CYP4F2: variants seen among roughly 807,000 people sequenced by gnomAD.
CYP4F2 encodes the protein cytochrome P450 4F2.
CYP4F2 carries 58 observed loss-of-function variants against 58.9 expected under a neutral mutation model. The observed-to-expected ratio is 0.98, with a 90% CI of 0.80 to 1.23. The LOEUF is 1.23. Among genes scored for constraint, CYP4F2 ranks in the 50% most tolerant of loss-of-function variants. The pLI, the probability that CYP4F2 is intolerant of heterozygous loss-of-function variation, is 0.00. For missense variants in CYP4F2, 616 were observed against 685.6 expected (o/e 0.90, Z 1.13); for synonymous variants, 287 against 261.1 (o/e 1.10, Z -0.95).
intron 9 of CYP4F2, among the ~76,000 whole-genome samples, chr19:15,885,424 TGTG>T (rs1165423664): frequency 6.6e-6 from 1 of 152,006 alleles, no homozygotes; most frequent in East Asian, 1.9e-4. Context: ...TGTGCACAGA[TGTG>T]GGGGTGAAAA....
intron 9 of CYP4F2, among the ~76,000 whole-genome samples, chr19:15,882,790 C>T (rs3093225): frequency 1.6e-3 from 238 of 152,226 alleles, no homozygotes; most frequent in Non-Finnish European, 2.8e-3. Flanking sequence ...GAGATAATGT[C>T]CAGAACTGCG....
At chr19:15,880,508 G>A (rs879436733) in intron 9 of CYP4F2, among the ~76,000 whole-genome samples, 17 of 151,934 alleles carry the variant, frequency 1.1e-4, no homozygotes, top group African/African-American at 4.1e-4. Flanking sequence ...GGCACCTGTA[G>A]TCCCAGCTAC....
Position 15,880,327 on chromosome 19 carries a change from GA to G in CYP4F2, c.1116-431del, listed in dbSNP as rs199720504. Reference sequence around the variant, plus strand: ...AGGCAATATTTTGCAACCCAAGACAGAAAAAAAAAAATCAATTTTGGCTGGG... The same window carrying G: ...AGGCAATATTTTGCAACCCAAGACAGAAAAAAAAAATCAATTTTGGCTGGG... On this transcript the variant is annotated intron_variant, in intron 9 of 12. Coordinates refer to ENST00000221700, the MANE Select transcript of CYP4F2 (RefSeq NM_001082.5). Among the ~76,000 whole-genome samples, 235 of 147,388 alleles carry G rather than the reference GA, an allele frequency of 1.6e-3. 1 individual carries two copies. Among genetic ancestry groups the G allele is most frequent in the African/African-American group, 4.3e-3 (173 of 40,384 alleles).
rs776120662 is a variant in CYP4F2 at position 15,895,512 on chromosome 19, C to T, written c.337G>A (p.Ala113Thr). 7.2e-6 allele frequency: 11 copies of T among 1,517,688 alleles called. No homozygotes were observed. In the African/African-American group the frequency reaches 8.7e-5, roughly 12 times the overall value. 94.0% of individuals were successfully genotyped at this position (1,517,688 alleles called of 1,614,324 possible). The change falls in exon 3 of 13, where the codon GCC (alanine) becomes ACC (threonine). Residue 113 changes from alanine to threonine, a missense_variant. Coordinates refer to ENST00000221700, the MANE Select transcript of CYP4F2 (RefSeq NM_001082.5). ...CAGCTGTTCCAGATGGTACCTGAGG[C>T]GTTGATGACAGACCGGATGATGTCG... is the stretch of plus-strand genomic sequence containing the variant. ...HPDIIRSVINASAAIAPKDKF... is the reference protein window; with the variant it reads ...HPDIIRSVINTSAAIAPKDKF...
Position 15,891,332 on chromosome 19 carries a change from A to G in CYP4F2, c.526-899T>C, listed in dbSNP as rs548135390. 2.6e-5 allele frequency among the ~76,000 whole-genome samples: 4 copies of G among 152,310 alleles called. No individual in the cohort carries two copies. In the East Asian group the frequency reaches 7.7e-4, roughly 29 times the overall value. On this transcript the variant is annotated intron_variant, in intron 5 of 12. Transcript: ENST00000221700. Reference sequence around the variant, plus strand: ...TGGGAAGCTTGGAGGGAAAAAAGGCAATCTAACAAGAAACACATGCTGCTG... The same window carrying G: ...TGGGAAGCTTGGAGGGAAAAAAGGCGATCTAACAAGAAACACATGCTGCTG...
chr19:15,881,346 A>C (rs529667508), intron 9 of CYP4F2, among the ~76,000 whole-genome samples: 28 of 152,306 alleles, frequency 1.8e-4, no homozygotes, highest in African/African-American at 6.5e-4. Flanking sequence ...CAAGTTACAA[A>C]TATATACATT....
intron 8 of CYP4F2, 83 bp from the exon 9 acceptor site, chr19:15,886,136 G>A: frequency 6.2e-7 from 1 of 1,605,558 alleles, no homozygotes; most frequent in Non-Finnish European, 8.5e-7. Context: ...GAGGGCCTCA[G>A]GGAGGATGGG....
intron 3 of CYP4F2, 64 bp from the exon 4 acceptor site, chr19:15,892,646 T>G (rs2089423917): frequency 1.3e-6 from 2 of 1,582,702 alleles, no homozygotes; most frequent in Non-Finnish European, 1.7e-6. Context: ...TGGGGGTGGG[T>G]GGAGGCTCCC....
intron 9 of CYP4F2, among the ~76,000 whole-genome samples, chr19:15,883,821 G>C (rs2089359364): frequency 6.6e-6 from 1 of 152,178 alleles, no homozygotes; most frequent in African/African-American, 2.4e-5. Flanking sequence ...AGCACTTTGG[G>C]AGGCCGAGGC....
chr19:15,889,073 C>T (rs2089399891), intron 7 of CYP4F2, among the ~76,000 whole-genome samples: 1 of 152,148 alleles, frequency 6.6e-6, no homozygotes, highest in Admixed American at 6.5e-5. Context: ...TAGTCACAGT[C>T]ATAGAGACAC....
intron 3 of CYP4F2, 146 bp from the exon 4 acceptor site, chr19:15,892,728 G>A: frequency 8.0e-7 from 1 of 1,244,602 alleles, no homozygotes; most frequent in Admixed American, 2.6e-5. Context: ...GAGGAAGAAG[G>A]GAGGATGGGG....
At chr19:15,893,669 C>A in intron 3 of CYP4F2, 1 of 164,620 alleles carries the variant, frequency 6.1e-6, no homozygotes, top group South Asian at 1.7e-4. Flanking sequence ...GCACATCGGT[C>A]ACGTGTTCAG....
chr19:15,878,227 T>A lies in CYP4F2; in HGVS notation c.*544A>T, dbSNP rs903837878. 18 of 152,602 alleles carry A rather than the reference T, an allele frequency of 1.2e-4. No individual in the cohort carries two copies. The highest frequency in any genetic ancestry group is 4.3e-4 in the African/African-American group (18 of 41,442). 9.5% of individuals were successfully genotyped at this position (152,602 alleles called of 1,614,324 possible). A position where few individuals can be genotyped will look rare whatever the true frequency, so the allele number is the denominator to read the frequency against. On this transcript the variant is annotated 3_prime_UTR_variant, in exon 13 of 13. Coordinates refer to ENST00000221700, the MANE Select transcript of CYP4F2 (RefSeq NM_001082.5). Reference sequence around the variant, plus strand: ...CACTCACAGTGTCGTGCTACCTTCGTCACTATCTAGGTCCGGAACATTTTC... The same window carrying A: ...CACTCACAGTGTCGTGCTACCTTCGACACTATCTAGGTCCGGAACATTTTC...
At chr19:15,886,472 A>ATGAGGT in intron 7 of CYP4F2, 164 bp from the exon 8 acceptor site, 1 of 863,458 alleles carries the variant, frequency 1.2e-6, no homozygotes, top group Non-Finnish European at 1.8e-6. Context: ...CACCATGGCC[A>ATGAGGT]GAGCCCTCAC....
intron 9 of CYP4F2, among the ~76,000 whole-genome samples, chr19:15,882,087 A>G (rs1238200990): frequency 6.6e-6 from 1 of 152,156 alleles, no homozygotes; most frequent in Non-Finnish European, 1.5e-5. Context: ...TAATAAAAAT[A>G]CAAAAAAATT....
At chr19:15,880,712 A>G (rs748155007) in intron 9 of CYP4F2, among the ~76,000 whole-genome samples, 8 of 152,178 alleles carry the variant, frequency 5.3e-5, no homozygotes, top group Non-Finnish European at 1.2e-4. Context: ...TAAAGGAACC[A>G]CTTCCATAAA....
At chr19:15,892,629 G>A in intron 3 of CYP4F2, 47 bp from the exon 4 acceptor site, 1 of 1,594,854 alleles carries the variant, frequency 6.3e-7, no homozygotes, top group South Asian at 1.1e-5. Flanking sequence ...AGGTGAAAGA[G>A]GGACTTTGGG....
chr19:15,894,842 G>C (rs745356681), intron 3 of CYP4F2, among the ~76,000 whole-genome samples: 2 of 152,104 alleles, frequency 1.3e-5, no homozygotes, highest in African/African-American at 2.4e-5. Context: ...GGAGATCCCC[G>C]GGACCTGCAG....
At chr19:15,887,849 G>A (rs2089390057) in intron 7 of CYP4F2, among the ~76,000 whole-genome samples, 2 of 149,942 alleles carry the variant, frequency 1.3e-5, no homozygotes, top group Non-Finnish European at 3.0e-5. Context: ...CATAGACATA[G>A]ACACAGACAC....
Sources: allele counts gnomAD v4.1 joint callset (sites outside exome capture counted in the v4.1 genomes callset), GRCh38; gene constraint gnomAD v4.1.1; transcripts MANE v1.5; gene names NCBI Gene and HGNC (gene_info 2026-07-23, HGNC 2026-07-21).